PRUNE2: variants seen among roughly 807,000 people sequenced by gnomAD.
PRUNE2 encodes the protein protein prune homolog 2.
Under a neutral mutation model 252.0 loss-of-function variants are expected in PRUNE2, and 164 were observed. That is an observed-to-expected ratio of 0.65 (90% CI 0.57 to 0.74). The LOEUF (loss-of-function observed/expected upper bound fraction) is 0.74, where lower values mean the gene tolerates loss of function less well. PRUNE2 is among the 30% of genes least tolerant of loss of function. The pLI, the probability that PRUNE2 is intolerant of heterozygous loss-of-function variation, is 0.00. For synonymous variants in PRUNE2, 1,292 were observed against 1,350.2 expected (o/e 0.96, Z 0.94); for missense variants, 3,495 against 3,711.0 (o/e 0.94, Z 1.51).
chr9:76,674,424 A>G (rs1172460120), intron 9 of PRUNE2, among the ~76,000 whole-genome samples: 1 of 152,362 alleles, frequency 6.6e-6, no homozygotes, highest in East Asian at 1.9e-4. Context: ...GATACAAACA[A>G]ATGGAAGAAC....
intron 6 of PRUNE2, among the ~76,000 whole-genome samples, chr9:76,749,876 A>G (rs2050460296): frequency 6.6e-6 from 1 of 152,228 alleles, no homozygotes. Flanking sequence ...ATTTAGATTC[A>G]AGATCAGAAT....
At chr9:76,784,278 T>A (rs2054744258) in intron 6 of PRUNE2, 1 of 152,162 alleles carries the variant, frequency 6.6e-6, no homozygotes, top group African/African-American at 2.4e-5. Flanking sequence ...TGAACGGGAT[T>A]ACAGATTTGA....
intron 6 of PRUNE2, among the ~76,000 whole-genome samples, chr9:76,795,097 G>T (rs2055955356): frequency 6.6e-6 from 1 of 152,138 alleles, no homozygotes; most frequent in South Asian, 2.1e-4. Flanking sequence ...ATTGAATGAC[G>T]CTGGCCAGGG....
intron 6 of PRUNE2, chr9:76,764,680 T>C (rs2052141692): frequency 6.6e-6 from 1 of 152,280 alleles, no homozygotes; most frequent in Non-Finnish European, 1.5e-5. Context: ...CAAATTACTC[T>C]GGTTGCTGTG....
At chr9:76,673,135 A>G (rs1411131462) in intron 9 of PRUNE2, among the ~76,000 whole-genome samples, 2 of 152,214 alleles carry the variant, frequency 1.3e-5, no homozygotes, top group Non-Finnish European at 2.9e-5. Flanking sequence ...TGAAAGGATC[A>G]ACAAAATTGA....
Position 76,640,876 on chromosome 9 carries a change from G to T in PRUNE2, c.8729-2588C>A, listed in dbSNP as rs150161655. 4.1e-3 allele frequency among the ~76,000 whole-genome samples: 617 copies of T among 152,202 alleles called. 7 individuals carry two copies. The highest frequency in any genetic ancestry group is 0.014 in the African/African-American group (600 of 41,546). On this transcript the variant is annotated intron_variant, in intron 12 of 18. Coordinates refer to ENST00000376718, the MANE Select transcript of PRUNE2 (RefSeq NM_015225.3). ...AGCAAGAAAGCATCCTTTCAAAAGC[G>T]TTTTTCTAAATGTAGCAATCTGGCT...
chr9:76,823,768 G>T, intron 5 of PRUNE2, 42 bp from the exon 6 acceptor site: 3 of 1,273,398 alleles, frequency 2.4e-6, no homozygotes, highest in Non-Finnish European at 3.4e-6. Context: ...TATACTTGAG[G>T]GATTTTTTTT....
chr9:76,661,967 C>T (rs1209438996), intron 9 of PRUNE2, among the ~76,000 whole-genome samples: 1 of 151,718 alleles, frequency 6.6e-6, no homozygotes, highest in East Asian at 1.9e-4. Flanking sequence ...TCTCTGACTT[C>T]GGGGCCATAC....
At position 76,709,959 on chromosome 9, in the gene PRUNE2, C is replaced by A. The variant is rs749418546; in HGVS notation, c.2315G>T (p.Gly772Val). ...IEDFASLWHS[G>V]RSPTAMPEPW... Reference sequence around the variant, plus strand: ...CTCGGGCATGGCTGTGGGAGAGCGACCAGAATGCCACAAAGAAGCAAAGTC... The same window carrying A: ...CTCGGGCATGGCTGTGGGAGAGCGAACAGAATGCCACAAAGAAGCAAAGTC... Residue 772 changes from glycine to valine, a missense_variant, in exon 8 of 19, where the codon GGT (glycine) becomes GTT (valine). Gly to Val is a moderately radical substitution (Grantham distance 109, BLOSUM62 -3). Transcript: ENST00000376718. 7 of 1,613,568 alleles carry A rather than the reference C, an allele frequency of 4.3e-6. No homozygotes were observed. Among genetic ancestry groups the A allele is most frequent in the East Asian group, 2.2e-5 (1 of 44,870 alleles).
chr9:76,721,089 G>A (rs1268061566), intron 6 of PRUNE2, among the ~76,000 whole-genome samples: 4 of 152,158 alleles, frequency 2.6e-5, no homozygotes, highest in Non-Finnish European at 5.9e-5. Flanking sequence ...GCAACAGAGC[G>A]AGACTCCGTC....
intron 17 of PRUNE2, among the ~76,000 whole-genome samples, chr9:76,623,533 T>C (rs1833340681): frequency 1.3e-5 from 2 of 152,188 alleles, no homozygotes; most frequent in Non-Finnish European, 2.9e-5. Flanking sequence ...GACCTCGTGA[T>C]CCACCCATCT....
At chr9:76,785,682 C>T (rs2054901630) in intron 6 of PRUNE2, 1 of 151,980 alleles carries the variant, frequency 6.6e-6, no homozygotes, top group African/African-American at 2.4e-5. Context: ...GGGTTCACTC[C>T]TGGCAATAAA....
chr9:76,751,915 C>T (rs1048669347), intron 6 of PRUNE2, among the ~76,000 whole-genome samples: 11 of 152,086 alleles, frequency 7.2e-5, no homozygotes, highest in African/African-American at 2.7e-4. Flanking sequence ...TCATGAAAAG[C>T]CATGACATCA....
At chr9:76,619,754 A>G (rs1384284930) in intron 17 of PRUNE2, among the ~76,000 whole-genome samples, 1 of 152,204 alleles carries the variant, frequency 6.6e-6, no homozygotes, top group Non-Finnish European at 1.5e-5. Flanking sequence ...CAAGCAGCCT[A>G]ATTTTATTCA....
chr9:76,697,212 C>T (rs937915399), intron 9 of PRUNE2, among the ~76,000 whole-genome samples: 4 of 152,098 alleles, frequency 2.6e-5, no homozygotes, highest in African/African-American at 9.7e-5. Flanking sequence ...TGGGTTTTTC[C>T]TCAAACTAGA....
In PRUNE2 at chr9:76,636,161, C is replaced by T. The variant is rs534600321; in HGVS notation, c.9050+310G>A. Among the ~76,000 whole-genome samples the T allele has an allele frequency of 2.8e-3, 433 of 152,280 alleles. 2 individuals carry two copies. Among genetic ancestry groups the T allele is most frequent in the African/African-American group, 9.8e-3 (409 of 41,554 alleles). On this transcript the variant is annotated intron_variant, in intron 15 of 18. Transcript: ENST00000376718. ...CTATTCTCTACATAATAGCATATCA[C>T]TTTAAATGTATTATCTATTCTCCTT...
intron 6 of PRUNE2, among the ~76,000 whole-genome samples, chr9:76,750,288 G>A (rs780379928): frequency 5.3e-5 from 8 of 152,148 alleles, no homozygotes; most frequent in Non-Finnish European, 8.8e-5. Context: ...AGAAGCACAG[G>A]TGACAACCCA....
intron 6 of PRUNE2, among the ~76,000 whole-genome samples, chr9:76,799,095 C>T (rs1012099671): frequency 6.6e-6 from 1 of 152,192 alleles, no homozygotes; most frequent in Non-Finnish European, 1.5e-5. Flanking sequence ...AATCCCAGCA[C>T]TTTGGGAGGC....
At chr9:76,669,034 C>G (rs180982684) in intron 9 of PRUNE2, among the ~76,000 whole-genome samples, 376 of 151,716 alleles carry the variant, frequency 2.5e-3, no homozygotes, top group African/African-American at 8.9e-3. Flanking sequence ...CATAAAGACA[C>G]CAATCCTACT....
Sources: allele counts gnomAD v4.1 joint callset (sites outside exome capture counted in the v4.1 genomes callset), GRCh38; gene constraint gnomAD v4.1.1; transcripts MANE v1.5; gene names NCBI Gene and HGNC (gene_info 2026-07-23, HGNC 2026-07-21).